TONSL: variants seen among roughly 807,000 people sequenced by gnomAD.
TONSL encodes the protein tonsoku like, DNA repair protein, also known as tonsoku-like protein.
Under a neutral mutation model 147.1 loss-of-function variants are expected in TONSL, and 112 were observed. That is an observed-to-expected ratio of 0.76 (90% CI 0.65 to 0.89). TONSL has a LOEUF of 0.89. Among genes scored for constraint, TONSL ranks in the 40% least tolerant of loss-of-function variants. The probability of loss-of-function intolerance (pLI) is 0.00; values close to 1 mark genes in which losing one functional copy is unlikely to be tolerated. For missense variants in TONSL, 1,883 were observed against 1,864.6 expected, an observed-to-expected ratio of 1.01 and a Z score of -0.18; for synonymous variants, 868 against 801.5, an observed-to-expected ratio of 1.08 and a Z score of -1.40.
Position 144,433,606 on chromosome 8 carries a change from G to A in TONSL, c.3541C>T (p.Leu1181=). Residue 1181 remains leucine, a synonymous_variant, in exon 22 of 26, where the codon CTG becomes TTG. Transcript: ENST00000409379. Reference sequence around the variant, plus strand: ...AGCTCACCTTGGAAAGCACTACCCAGTGCTGTCTGGTGGCTCAGAAAGAAG... The same window carrying A: ...AGCTCACCTTGGAAAGCACTACCCAATGCTGTCTGGTGGCTCAGAAAGAAG... ...PSFFLSHQTA[L]GSAFQDAEHL... 1 of 1,613,498 alleles carries A rather than the reference G, an allele frequency of 6.2e-7. No individual in the cohort carries two copies.
At chr8:144,435,314 C>T in intron 18 of TONSL, 144 bp from the exon 19 acceptor site, 7 of 1,261,430 alleles carry the variant, frequency 5.5e-6, no homozygotes, top group Non-Finnish European at 6.4e-6. Context: ...CCCTGCAGCC[C>T]AGCACACCAC....
Position 144,428,868 on chromosome 8 carries a change from C to G in TONSL, c.*275G>C. 3.2e-6 allele frequency: 1 copy of G among 310,602 alleles called. No individual in the cohort carries two copies. 19.2% of individuals were successfully genotyped at this position (310,602 alleles called of 1,614,324 possible). A position where few individuals can be genotyped will look rare whatever the true frequency, so the allele number is the denominator to read the frequency against. ...GCAGTGGTGCGATCTCGGCTCACTGCAAGCTCCGCCTCCCGGGTTCACGCC... is the reference window on the plus strand; with the variant it reads ...GCAGTGGTGCGATCTCGGCTCACTGGAAGCTCCGCCTCCCGGGTTCACGCC... On this transcript the variant is annotated 3_prime_UTR_variant, in exon 26 of 26. Coordinates refer to ENST00000409379, the MANE Select transcript of TONSL (RefSeq NM_013432.5).
Position 144,435,774 on chromosome 8 carries a change from A to C in TONSL, c.2659T>G (p.Cys887Gly). Residue 887 changes from cysteine (C) to glycine (G), a missense_variant, in exon 17 of 26, where the codon TGC becomes GGC. By Grantham distance (159) the Cys-to-Gly change is radical. Coordinates refer to ENST00000409379, the MANE Select transcript of TONSL (RefSeq NM_013432.5). ...GGCCCTGCGTTAACTGGCGCACTGC[A>C]ACTCTGCATGCAGGTCAGGCGGACC... Reference protein sequence around the residue: ...KQVRLTCMQSCSAPVNAGPSS... With the variant: ...KQVRLTCMQSGSAPVNAGPSS... 6.2e-7 allele frequency: 1 copy of C among 1,612,842 alleles called. No homozygotes were observed. Among genetic ancestry groups the C allele is most frequent in the Non-Finnish European group, 8.5e-7 (1 of 1,179,916 alleles).
intron 23 of TONSL, 128 bp from the exon 24 acceptor site, chr8:144,431,279 A>G (rs1275055232): frequency 1.3e-6 from 1 of 753,262 alleles, no homozygotes; most frequent in Non-Finnish European, 2.3e-6. Context: ...GGAGATCGGA[A>G]GGAAACACCT....
chr8:144,441,950 C>G, intron 7 of TONSL, 87 bp downstream of exon 7: 2 of 1,170,844 alleles, frequency 1.7e-6, no homozygotes, highest in Admixed American at 1.9e-5. Flanking sequence ...GGAGAGAGCC[C>G]TGTACACACC....
intron 24 of TONSL, 28 bp downstream of exon 24, chr8:144,431,050 T>TCAGCAGG (rs1823167138): frequency 6.2e-7 from 1 of 1,613,508 alleles, no homozygotes; most frequent in Non-Finnish European, 8.5e-7. Flanking sequence ...GACCCCCAGG[T>TCAGCAGG]CAGCAGGCAG....
Position 144,430,323 on chromosome 8 carries a change from C to T in TONSL, c.3943+81G>A, listed in dbSNP as rs373481230. ...GCCTGGCTGGTAGCAGTGACAGCCC[C>T]TTAGGAGGAGGCACCTGGGTCTCAG... On this transcript the variant is annotated intron_variant, in intron 25 of 25. Transcript: ENST00000409379. 7.5e-5 allele frequency: 108 copies of T among 1,432,028 alleles called. No individual in the cohort carries two copies. In the African/African-American group the frequency reaches 1.4e-3, roughly 19 times the overall value. 88.7% of individuals were successfully genotyped at this position (1,432,028 alleles called of 1,614,324 possible). A position where few individuals can be genotyped will look rare whatever the true frequency, so the allele number is the denominator to read the frequency against.
At position 144,440,988 on chromosome 8, in the gene TONSL, G is replaced by A. The variant is rs536217164; in HGVS notation, c.989C>T (p.Ala330Val). The A allele has an allele frequency of 2.5e-6, 4 of 1,613,026 alleles. No homozygotes were observed. Among genetic ancestry groups the A allele is most frequent in the Non-Finnish European group, 3.4e-6 (4 of 1,179,984 alleles). Reference sequence around the variant, plus strand: ...CACCTGCTTCTGGTAAGCCTCAGCTGCCCTGGGAAAGTCTCCTGCCTTGGA... The same window carrying A: ...CACCTGCTTCTGGTAAGCCTCAGCTACCCTGGGAAAGTCTCCTGCCTTGGA... ...LFSKAGDFPR[A>V]AEAYQKQLRF... Residue 330 changes from alanine to valine, a missense_variant, in exon 8 of 26, where the codon GCA becomes GTA. Ala to Val is a moderately conservative substitution (Grantham distance 64, BLOSUM62 0). Coordinates refer to ENST00000409379, the MANE Select transcript of TONSL (RefSeq NM_013432.5).
rs1823423538 is a variant in TONSL at position 144,435,768 on chromosome 8, C to T, written c.2665G>A (p.Ala889Thr). 6.2e-7 allele frequency: 1 copy of T among 1,612,878 alleles called. No individual in the cohort carries two copies. Among genetic ancestry groups the T allele is most frequent in the Non-Finnish European group, 8.5e-7 (1 of 1,179,918 alleles). The change falls in exon 17 of 26, where the codon GCG (alanine) becomes ACG (threonine). Residue 889 changes from alanine to threonine, a missense_variant. Transcript: ENST00000409379. ...CTGCTGGGCCCTGCGTTAACTGGCG[C>T]ACTGCAACTCTGCATGCAGGTCAGG... Reference protein sequence around the residue: ...VRLTCMQSCSAPVNAGPSSLA... With the variant: ...VRLTCMQSCSTPVNAGPSSLA...
At chr8:144,430,270 C>A (rs1554878344) in intron 25 of TONSL, 134 bp downstream of exon 25, 5 of 1,120,412 alleles carry the variant, frequency 4.5e-6, no homozygotes, top group Non-Finnish European at 6.1e-6. Flanking sequence ...CCCCCTGCTG[C>A]CCCAGCCTCA....
intron 25 of TONSL, 67 bp downstream of exon 25, chr8:144,430,337 C>T: frequency 6.9e-7 from 1 of 1,453,804 alleles, no homozygotes; most frequent in African/African-American, 1.4e-5. Context: ...GGAGGAGGCA[C>T]CTGGGTCTCA....
rs782620498 is a variant in TONSL at position 144,433,776 on chromosome 8, C to A, written c.3388-17G>T. On this transcript the variant is annotated splice_polypyrimidine_tract_variant and intron_variant, in intron 21 of 25. Transcript: ENST00000409379. ...CTCCAAACTCTGTGGAAGACACAGGCTGGCAGTGAGCCCCCAGCAGTCCCA... is the reference window on the plus strand; with the variant it reads ...CTCCAAACTCTGTGGAAGACACAGGATGGCAGTGAGCCCCCAGCAGTCCCA... The A allele has an allele frequency of 3.9e-6, 6 of 1,549,620 alleles. No individual in the cohort carries two copies. In the South Asian group the frequency reaches 4.9e-5, roughly 13 times the overall value.
In TONSL at chr8:144,444,173, C is replaced by A; in HGVS notation, c.121+7G>T. 1.4e-6 allele frequency: 2 copies of A among 1,436,476 alleles called. No individual in the cohort carries two copies. The highest frequency in any genetic ancestry group is 1.4e-5 in the South Asian group (1 of 72,776). The allele number at this position is 1,436,476 out of a possible 1,614,324, so 89.0% of individuals were successfully genotyped here. ...CCTGCCTCCCGCCTCCTGGTCCCGG[C>A]GCTCACCATGGCCGGCCAGGAGCTC... On this transcript the variant is annotated splice_region_variant and intron_variant, in intron 2 of 25. Transcript: ENST00000409379.
At position 144,435,817 on chromosome 8, in the gene TONSL, G is replaced by C. The variant is rs781307276; in HGVS notation, c.2616C>G (p.Pro872=). Residue 872 remains proline, a synonymous_variant, in exon 17 of 26, where the codon CCC becomes CCG. Transcript: ENST00000409379. The stretch of plus-strand genomic sequence containing the variant: ...GGCGGACCTGCTTGGCTCGGGCACG[G>C]GGCCTGCTCTCCTCACTGTCCGACC... The part of the protein sequence containing the change: ...TSGSDSEESR[P]RARAKQVRLT... 3 of 1,612,672 alleles carry C rather than the reference G, an allele frequency of 1.9e-6. No individual in the cohort carries two copies. In the South Asian group the frequency reaches 3.3e-5, roughly 18 times the overall value.
At chr8:144,441,816 C>G in intron 7 of TONSL, 2 of 520,858 alleles carry the variant, frequency 3.8e-6, no homozygotes, top group Non-Finnish European at 6.8e-6. Flanking sequence ...CTTTCATTGC[C>G]CCTGACACAC....
rs2130836603 is a variant in TONSL at position 144,431,171 on chromosome 8, C to G, written c.3736-20G>C. 1 of 1,613,556 alleles carries G rather than the reference C, an allele frequency of 6.2e-7. No homozygotes were observed. The highest frequency in any genetic ancestry group is 1.1e-5 in the South Asian group (1 of 91,076). ...GCCTTCCTGGACATGAGCAGAGGCC[C>G]AAGGGGGCCAAACGGAGTGGCGCAC... On this transcript the variant is annotated intron_variant, in intron 23 of 25. Transcript: ENST00000409379.
At chr8:144,433,954 G>T (rs781888015) in intron 21 of TONSL, 24 bp downstream of exon 21, 5 of 1,542,036 alleles carry the variant, frequency 3.2e-6, no homozygotes, top group Non-Finnish European at 4.4e-6. Context: ...GCTGTTGAGG[G>T]CCTGCTGCTC....
chr8:144,429,705 G>A (rs1369785972), intron 25 of TONSL, among the ~76,000 whole-genome samples: 1 of 152,216 alleles, frequency 6.6e-6, no homozygotes, highest in Admixed American at 6.5e-5. Flanking sequence ...AGGGAGCTGG[G>A]TGGGAAGGTA....
At chr8:144,441,976 C>A (rs1356903472) in intron 7 of TONSL, 61 bp downstream of exon 7, 1 of 1,498,474 alleles carries the variant, frequency 6.7e-7, no homozygotes, top group East Asian at 2.3e-5. Flanking sequence ...GGACTCCACC[C>A]CGCCCCCAGG....
Sources: gnomAD v4.1 joint callset for allele counts (sites outside exome capture counted in the v4.1 genomes callset) on GRCh38, gnomAD v4.1.1 for gene constraint, MANE v1.5 for transcripts, NCBI Gene and HGNC (gene_info 2026-07-23, HGNC 2026-07-21) for gene names.